The following ZNG1B variants were observed in gnomAD, a reference collection of about 807,000 sequenced individuals.
The protein encoded by ZNG1B is Zn regulated GTPase metalloprotein activator 1B, also known as zinc-regulated GTPase metalloprotein activator 1B.
chr2:113,471,185 C>G, the ZNG1B span: 7 of 1,346,408 alleles, frequency 5.2e-6, no homozygotes, highest in Non-Finnish European at 7.2e-6. Flanking sequence ...ATGATTTAAG[C>G]TTCCTGCCAT....
the ZNG1B span, among the ~76,000 whole-genome samples, chr2:113,476,943 A>T: frequency 2.0e-5 from 3 of 152,206 alleles, no homozygotes; most frequent in Non-Finnish European, 2.9e-5. Flanking sequence ...GGGACACTTA[A>T]GTCTGCAGAG....
the ZNG1B span, chr2:113,495,284 G>C: frequency 2.0e-6 from 3 of 1,513,124 alleles, 1 homozygote; most frequent in South Asian, 3.6e-5. Context: ...TTAAAACAAA[G>C]TGAAAAATAT....
the ZNG1B span, among the ~76,000 whole-genome samples, chr2:113,455,969 C>G: frequency 6.6e-6 from 1 of 151,208 alleles, no homozygotes; most frequent in Non-Finnish European, 1.5e-5. Context: ...CCACCCGCCT[C>G]GGCCTCCCAA....
the ZNG1B span, among the ~76,000 whole-genome samples, chr2:113,473,183 C>T: frequency 6.6e-6 from 1 of 151,688 alleles, no homozygotes; most frequent in African/African-American, 2.4e-5. Context: ...TTGTAGTTCT[C>T]CTTGAAGAGG....
chr2:113,473,330 T>G, the ZNG1B span, among the ~76,000 whole-genome samples: 1 of 147,300 alleles, frequency 6.8e-6, no homozygotes, highest in Non-Finnish European at 1.5e-5. Context: ...TTTTGTACAT[T>G]GATTTTGTAT....
At chr2:113,462,303 GT>G in the ZNG1B span, 1 of 1,248,440 alleles carries the variant, frequency 8.0e-7, no homozygotes, top group South Asian at 1.4e-5. Context: ...TACATGAGGC[GT>G]TTTTATTTAT....
the ZNG1B span, among the ~76,000 whole-genome samples, chr2:113,453,403 C>T: frequency 4.0e-5 from 6 of 151,746 alleles, no homozygotes; most frequent in Admixed American, 3.9e-4. Context: ...CAGGCGTGCA[C>T]CATCGTACCT....
the ZNG1B span, among the ~76,000 whole-genome samples, chr2:113,452,762 CATATT>C: frequency 8.6e-6 from 1 of 116,138 alleles, no homozygotes; most frequent in African/African-American, 3.7e-5. Flanking sequence ...GAATGATTAT[CATATT>C]AAAGAGGTGA....
chr2:113,476,576 G>T, the ZNG1B span, among the ~76,000 whole-genome samples: 1 of 148,580 alleles, frequency 6.7e-6, no homozygotes, highest in African/African-American at 2.5e-5. Context: ...GCGTTCCTTT[G>T]GAGGAGGAGA....
At chr2:113,447,968 C>T in the ZNG1B span, 2 of 389,766 alleles carry the variant, frequency 5.1e-6, no homozygotes, top group Non-Finnish European at 5.0e-6. Flanking sequence ...AACTCCTATT[C>T]ATGTTGATAC....
At chr2:113,456,449 A>AT in the ZNG1B span, among the ~76,000 whole-genome samples, 2 of 130,762 alleles carry the variant, frequency 1.5e-5, no homozygotes, top group Non-Finnish European at 3.3e-5. Context: ...CTGCTAAGAC[A>AT]TTTTGTTTTT....
the ZNG1B span, chr2:113,455,737 T>C: frequency 2.3e-6 from 1 of 432,180 alleles, no homozygotes; most frequent in Non-Finnish European, 4.0e-6. Context: ...TTTTTTTTTT[T>C]TGAGACAGAG....
the ZNG1B span, among the ~76,000 whole-genome samples, chr2:113,488,351 G>A: frequency 6.6e-6 from 1 of 152,110 alleles, no homozygotes. Context: ...CCCGTAGGAC[G>A]AAAGAATCTG....
the ZNG1B span, chr2:113,495,356 T>C: frequency 2.2e-6 from 3 of 1,394,312 alleles, 1 homozygote; most frequent in Non-Finnish European, 2.9e-6. Context: ...CTTTTAAAAC[T>C]AAATAAGCTT....
the ZNG1B span, chr2:113,469,106 A>T: frequency 6.6e-6 from 1 of 150,916 alleles, no homozygotes; most frequent in East Asian, 1.9e-4. Context: ...ACTTGGAGGG[A>T]AACTTCATTC....
chr2:113,450,566 A>G, the ZNG1B span, among the ~76,000 whole-genome samples: 3 of 137,860 alleles, frequency 2.2e-5, 1 homozygote, highest in African/African-American at 8.5e-5. Flanking sequence ...GTTCTTCATT[A>G]TGATGAAGTT....
At chr2:113,494,740 C>T in the ZNG1B span, 1 of 914,718 alleles carries the variant, frequency 1.1e-6, no homozygotes, top group South Asian at 4.2e-5. Flanking sequence ...TTTAACTTCT[C>T]AACTTTTCCC....
chr2:113,478,406 G>T, the ZNG1B span, among the ~76,000 whole-genome samples: 1 of 151,884 alleles, frequency 6.6e-6, no homozygotes, highest in Non-Finnish European at 1.5e-5. Flanking sequence ...CTCCCAAGAA[G>T]CTGGGACCAC....
At chr2:113,479,976 C>T in the ZNG1B span, among the ~76,000 whole-genome samples, 3 of 151,930 alleles carry the variant, frequency 2.0e-5, no homozygotes. Flanking sequence ...CACACACTAC[C>T]ATGCCTGGCT....
Sources: gnomAD v4.1 joint callset for allele counts (sites outside exome capture counted in the v4.1 genomes callset) on GRCh38, gnomAD v4.1.1 for gene constraint, MANE v1.5 for transcripts, NCBI Gene and HGNC (gene_info 2026-07-23, HGNC 2026-07-21) for gene names.